CDH23: variants seen among roughly 807,000 people sequenced by gnomAD.
The protein encoded by CDH23 is cadherin related 23, also known as cadherin-23.
Under a neutral mutation model 317.1 loss-of-function variants are expected in CDH23, and 189 were observed. The ratio of observed to expected loss-of-function variants is 0.60; its 90% CI spans 0.53 to 0.67. The LOEUF (loss-of-function observed/expected upper bound fraction) is 0.67, where lower values mean the gene tolerates loss of function less well. Ranked by LOEUF, CDH23 falls within the 30% of genes least tolerant of loss-of-function variation. CDH23 has a pLI of 0.00. For missense variants in CDH23, 4,401 were observed against 4,592.4 expected, an observed-to-expected ratio of 0.96 and a Z score of 1.20; for synonymous variants, 1,839 against 1,876.8, an observed-to-expected ratio of 0.98 and a Z score of 0.52.
intron 34 of CDH23, among the ~76,000 whole-genome samples, chr10:71,736,597 A>T (rs1839572430): frequency 6.6e-6 from 1 of 151,982 alleles, no homozygotes; most frequent in African/African-American, 2.4e-5. Context: ...AGGCCTGGGA[A>T]CCTGTCCTCC....
At chr10:71,687,616 G>A in intron 18 of CDH23, 31 bp from the exon 19 acceptor site, 1 of 1,610,066 alleles carries the variant, frequency 6.2e-7, no homozygotes, top group Non-Finnish European at 8.5e-7. Context: ...CCTCCCTGCA[G>A]CCTCCTGCAA....
At chr10:71,602,628 G>A (rs1437176966) in intron 9 of CDH23, among the ~76,000 whole-genome samples, 1 of 152,092 alleles carries the variant, frequency 6.6e-6, no homozygotes, top group Admixed American at 6.6e-5. Flanking sequence ...ACTTCAGGGT[G>A]CACCTGTCAC....
At chr10:71,711,382 G>A (rs570854024) in intron 27 of CDH23, among the ~76,000 whole-genome samples, 2 of 152,164 alleles carry the variant, frequency 1.3e-5, no homozygotes, top group Non-Finnish European at 2.9e-5. Flanking sequence ...AGCTGGCCTG[G>A]GGAAGAAGGA....
intron 69 of CDH23, 119 bp from the exon 70 acceptor site, chr10:71,814,833 C>A: frequency 8.4e-7 from 1 of 1,186,338 alleles, no homozygotes; most frequent in Non-Finnish European, 1.1e-6. Flanking sequence ...CAGAGTCTGA[C>A]AGGCCTGCTG....
intron 9 of CDH23, among the ~76,000 whole-genome samples, chr10:71,607,280 A>C (rs1281980958): frequency 7.9e-5 from 12 of 152,240 alleles, no homozygotes; most frequent in Admixed American, 7.8e-4. Flanking sequence ...GAAGACAGGA[A>C]GGGCCAGGGG....
chr10:71,674,944 G>A (rs536576070), intron 14 of CDH23, among the ~76,000 whole-genome samples, 168 bp from the exon 15 acceptor site: 10 of 152,288 alleles, frequency 6.6e-5, no homozygotes, highest in South Asian at 4.1e-4. Context: ...CTTCTGACCC[G>A]CTCCTAACCC....
intron 1 of CDH23, among the ~76,000 whole-genome samples, chr10:71,427,259 G>GGGAA (rs1564573058): frequency 6.3e-5 from 9 of 142,204 alleles, no homozygotes; most frequent in African/African-American, 2.1e-4. Flanking sequence ...AAGAAAGAAA[G>GGGAA]AGAAAGAGAG....
chr10:71,716,549 C>T (rs1866251887), intron 28 of CDH23: 5 of 466,096 alleles, frequency 1.1e-5, no homozygotes, highest in Non-Finnish European at 1.9e-5. Context: ...TGGAGCTGGG[C>T]CCAAGCTCAG....
intron 11 of CDH23, among the ~76,000 whole-genome samples, chr10:71,638,795 CT>C (rs1370898258): frequency 4.6e-5 from 7 of 152,230 alleles, no homozygotes; most frequent in Admixed American, 4.6e-4. Flanking sequence ...CTCAGGTCGG[CT>C]GGCTCTGGGA....
At chr10:71,406,518 C>A (rs1016065490) in intron 1 of CDH23, among the ~76,000 whole-genome samples, 2 of 152,176 alleles carry the variant, frequency 1.3e-5, no homozygotes, top group African/African-American at 4.8e-5. Flanking sequence ...GTCCAGACAA[C>A]TGGGAAGACA....
At chr10:71,670,961 C>CTT (rs762870565) in intron 14 of CDH23, among the ~76,000 whole-genome samples, 24 of 128,578 alleles carry the variant, frequency 1.9e-4, no homozygotes, top group South Asian at 1.0e-3. Flanking sequence ...GATTTGGCAT[C>CTT]TTTTTTTTTT....
chr10:71,674,250 C>T (rs1209103652), intron 14 of CDH23, among the ~76,000 whole-genome samples: 2 of 152,134 alleles, frequency 1.3e-5, no homozygotes, highest in African/African-American at 2.4e-5. Flanking sequence ...ATTAGCTTTT[C>T]CTTGAAAATT....
intron 6 of CDH23, among the ~76,000 whole-genome samples, chr10:71,523,147 C>A (rs1445047578): frequency 6.6e-6 from 1 of 152,136 alleles, no homozygotes; most frequent in East Asian, 1.9e-4. Flanking sequence ...GGGAGGGATT[C>A]ATCCAAGATG....
intron 3 of CDH23, among the ~76,000 whole-genome samples, chr10:71,494,879 G>A (rs935696194): frequency 2.0e-5 from 3 of 152,166 alleles, no homozygotes; most frequent in Admixed American, 2.0e-4. Flanking sequence ...ACCCAGCCCT[G>A]CCCCTGTAAC....
At chr10:71,768,205 C>CTGT (rs1312668756) in intron 38 of CDH23, among the ~76,000 whole-genome samples, 2 of 152,184 alleles carry the variant, frequency 1.3e-5, no homozygotes, top group Non-Finnish European at 2.9e-5. Flanking sequence ...GAGTCTCGCT[C>CTGT]TGTTGCCCAG....
intron 6 of CDH23, among the ~76,000 whole-genome samples, chr10:71,556,235 G>C (rs1223353277): frequency 1.3e-5 from 2 of 152,168 alleles, no homozygotes; most frequent in African/African-American, 4.8e-5. Context: ...TGGTGATTTG[G>C]GGGGAAATGA....
At chr10:71,790,759 C>T in intron 46 of CDH23, 3 of 460,266 alleles carry the variant, frequency 6.5e-6, no homozygotes, top group Non-Finnish European at 1.2e-5. Flanking sequence ...TCCTGTCCTC[C>T]AACCAGACCA....
chr10:71,717,996 G>A (rs374026512), intron 28 of CDH23: 18 of 152,382 alleles, frequency 1.2e-4, no homozygotes, highest in African/African-American at 3.6e-4. Flanking sequence ...GTCAGCATGT[G>A]TGATATTTAA....
chr10:71,780,768 G>A (rs1840931120), intron 41 of CDH23, among the ~76,000 whole-genome samples: 1 of 152,176 alleles, frequency 6.6e-6, no homozygotes, highest in Admixed American at 6.5e-5. Flanking sequence ...CTGTAGGGGT[G>A]AAGGAAAAGG....
Sources: gnomAD v4.1 joint callset for allele counts (sites outside exome capture counted in the v4.1 genomes callset) on GRCh38, gnomAD v4.1.1 for gene constraint, MANE v1.5 for transcripts, NCBI Gene and HGNC (gene_info 2026-07-23, HGNC 2026-07-21) for gene names.